Variants in MNAT1 observed in about 807,000 individuals in gnomAD.
The protein encoded by MNAT1 is MNAT1 component of CDK activating kinase, also known as CDK-activating kinase assembly factor MAT1.
In MNAT1, 43 loss-of-function variants were observed where a neutral mutation model predicts 42.0. The observed-to-expected ratio is 1.02, with a 90% CI of 0.80 to 1.32. The LOEUF is 1.32. Ranked by LOEUF, MNAT1 falls within the 40% of genes most tolerant of loss-of-function variation. MNAT1 has a pLI of 0.00. For synonymous variants in MNAT1, 118 were observed against 120.0 expected (o/e 0.98, Z 0.11); for missense variants, 306 against 350.4 (o/e 0.87, Z 1.01).
chr14:60,780,868 A>G (rs2031434945), intron 1 of MNAT1, among the ~76,000 whole-genome samples: 1 of 152,104 alleles, frequency 6.6e-6, no homozygotes, highest in Non-Finnish European at 1.5e-5. Flanking sequence ...TCCTTTGAAG[A>G]TAGTAACTGT....
chr14:60,898,420 A>T (rs920668543), intron 7 of MNAT1, among the ~76,000 whole-genome samples: 2 of 152,042 alleles, frequency 1.3e-5, no homozygotes, highest in Admixed American at 1.3e-4. Flanking sequence ...CCTTACCAGC[A>T]TGTGTAATTT....
chr14:60,799,797 C>T (rs2032144285), intron 3 of MNAT1, among the ~76,000 whole-genome samples: 1 of 151,722 alleles, frequency 6.6e-6, no homozygotes, highest in African/African-American at 2.4e-5. Flanking sequence ...CAACATGGGG[C>T]CCATAATTGG....
At chr14:60,910,359 A>G (rs867324108) in intron 7 of MNAT1, among the ~76,000 whole-genome samples, 1 of 152,114 alleles carries the variant, frequency 6.6e-6, no homozygotes, top group African/African-American at 2.4e-5. Flanking sequence ...TTCCAACACT[A>G]TGTTGAATAG....
At chr14:60,913,090 T>C (rs2035418598) in intron 7 of MNAT1, among the ~76,000 whole-genome samples, 1 of 152,246 alleles carries the variant, frequency 6.6e-6, no homozygotes, top group Admixed American at 6.5e-5. Flanking sequence ...CTTCCACCGC[T>C]GATACCCTTT....
intron 7 of MNAT1, among the ~76,000 whole-genome samples, chr14:60,930,775 T>G (rs1263641094): frequency 3.3e-5 from 5 of 152,192 alleles, no homozygotes; most frequent in Non-Finnish European, 7.3e-5. Flanking sequence ...ACAGGGTTTG[T>G]AACATAAAGT....
In MNAT1 at chr14:60,794,292, AT is replaced by A. The variant is rs1199900816; in HGVS notation, c.90-1924del. On this transcript the variant is annotated intron_variant, in intron 1 of 7. Transcript: ENST00000261245. ...AAACTTCCTAAGTCCAGAGTGGTTT[AT>A]CTGGGGTTTAGTTGATCTTGCTAAT... 2.6e-5 allele frequency among the ~76,000 whole-genome samples: 4 copies of A among 152,232 alleles called. No individual in the cohort carries two copies. In the East Asian group the frequency reaches 7.7e-4, roughly 29 times the overall value.
At chr14:60,807,526 T>G (rs562693639) in intron 3 of MNAT1, among the ~76,000 whole-genome samples, 1 of 152,314 alleles carries the variant, frequency 6.6e-6, no homozygotes, top group South Asian at 2.1e-4. Context: ...AGAGTCTTAC[T>G]GATATGGATT....
chr14:60,914,455 C>A lies in MNAT1; in HGVS notation c.809+34620C>A, dbSNP rs150147412. ...GTAGACTGGAGCTGTTCCTATTCGG[C>A]CATCTTGGCTCCCCAGCTTTGAATG... On this transcript the variant is annotated intron_variant, in intron 7 of 7. Coordinates refer to ENST00000261245, the MANE Select transcript of MNAT1 (RefSeq NM_002431.4). Among the ~76,000 whole-genome samples, 61 of 152,268 alleles carry A rather than the reference C, an allele frequency of 4.0e-4. No individual in the cohort carries two copies. The East Asian group carries it at 0.012, about 29-fold the overall frequency.
chr14:60,857,565 A>AG (rs1317409694), intron 6 of MNAT1, among the ~76,000 whole-genome samples: 2 of 152,208 alleles, frequency 1.3e-5, no homozygotes, highest in African/African-American at 2.4e-5. Flanking sequence ...TAGTTGATAA[A>AG]GCAGTGGCAG....
At chr14:60,940,652 C>T (rs2036130709) in intron 7 of MNAT1, among the ~76,000 whole-genome samples, 1 of 152,148 alleles carries the variant, frequency 6.6e-6, no homozygotes. Flanking sequence ...CTTCTGACCT[C>T]ATGATCTGCC....
chr14:60,822,247 A>T (rs1316726674), intron 6 of MNAT1, among the ~76,000 whole-genome samples: 1 of 152,312 alleles, frequency 6.6e-6, no homozygotes, highest in Non-Finnish European at 1.5e-5. Flanking sequence ...CTATTTATTT[A>T]AAAATGAAAT....
chr14:60,734,898 C>T lies in MNAT1; in HGVS notation c.36C>T (p.Thr12=). The change falls in exon 1 of 8, where the codon ACC becomes ACT. Residue 12 remains threonine, a synonymous_variant. Coordinates refer to ENST00000261245, the MANE Select transcript of MNAT1 (RefSeq NM_002431.4). This position sits in a 1 kb window ranked among gnomAD's most constrained non-coding sequence, Gnocchi z 4.3. ...DDQGCPRCKT[T]KYRNPSLKLM... ...AGGGTTGCCCTCGGTGTAAGACCAC[C>T]AAATATCGGAACCCCTCCTTGAAGC... 6.2e-7 allele frequency: 1 copy of T among 1,614,106 alleles called. No homozygotes were observed. The highest frequency in any genetic ancestry group is 2.2e-5 in the East Asian group (1 of 44,878).
intron 6 of MNAT1, among the ~76,000 whole-genome samples, chr14:60,827,155 G>A (rs2033079458): frequency 6.6e-6 from 1 of 152,108 alleles, no homozygotes; most frequent in Non-Finnish European, 1.5e-5. Context: ...ACCTATGGAT[G>A]TCAAAAGATA....
At position 60,914,892 on chromosome 14, in the gene MNAT1, T is replaced by C. The variant is rs1468259926; in HGVS notation, c.809+35057T>C. Among the ~76,000 whole-genome samples, 3 of 152,176 alleles carry C rather than the reference T, an allele frequency of 2.0e-5. No homozygotes were observed. In the East Asian group the frequency reaches 5.8e-4, roughly 29 times the overall value. ...ATGGGTAGCAAATCAAATTTTAGTT[T>C]ATGAGGGATTTTTGAAGGGAATAAT... On this transcript the variant is annotated intron_variant, in intron 7 of 7. Transcript: ENST00000261245.
At chr14:60,789,684 G>A (rs1436775253) in intron 1 of MNAT1, among the ~76,000 whole-genome samples, 1 of 152,094 alleles carries the variant, frequency 6.6e-6, no homozygotes, top group Non-Finnish European at 1.5e-5. Flanking sequence ...AGCCTCTAAT[G>A]TCTTAAATCT....
chr14:60,843,620 T>C (rs944071146), intron 6 of MNAT1, among the ~76,000 whole-genome samples: 6 of 152,194 alleles, frequency 3.9e-5, no homozygotes, highest in African/African-American at 1.2e-4. Flanking sequence ...TAAAATCTTA[T>C]GTCCATTAAA....
chr14:60,911,438 C>T (rs942141891), intron 7 of MNAT1, among the ~76,000 whole-genome samples: 2 of 152,078 alleles, frequency 1.3e-5, no homozygotes, highest in Admixed American at 6.6e-5. Flanking sequence ...TTAGATCTTT[C>T]CTCCTTTCTC....
chr14:60,866,452 T>C (rs2034205049), intron 6 of MNAT1, among the ~76,000 whole-genome samples: 1 of 152,064 alleles, frequency 6.6e-6, no homozygotes, highest in Non-Finnish European at 1.5e-5. Context: ...GTTTCACATG[T>C]GGAACTAACT....
At chr14:60,851,418 T>C (rs4151258) in intron 6 of MNAT1, among the ~76,000 whole-genome samples, 144,109 of 151,934 alleles carry the variant, frequency 0.95, 68,482 homozygotes, top group Non-Finnish European at 0.99. Context: ...TTTCTGGCAA[T>C]CCTGTATGGG....
Sources: allele counts gnomAD v4.1 joint callset (sites outside exome capture counted in the v4.1 genomes callset), GRCh38; gene constraint gnomAD v4.1.1; non-coding constraint Gnocchi (gnomAD v3.1); transcripts MANE v1.5; gene names NCBI Gene and HGNC (gene_info 2026-07-23, HGNC 2026-07-21).